The following TPRG1 variants were observed in gnomAD, a reference collection of about 807,000 sequenced individuals.
TPRG1 encodes tumor protein p63 regulated 1.
In TPRG1, 29 loss-of-function variants were observed where a neutral mutation model predicts 29.3. The ratio of observed to expected loss-of-function variants is 0.99; its 90% CI spans 0.74 to 1.35. The LOEUF (loss-of-function observed/expected upper bound fraction) is 1.35, where lower values mean the gene tolerates loss of function less well. Among genes scored for constraint, TPRG1 ranks in the 40% most tolerant of loss-of-function variants. The pLI is 0.00. For synonymous variants in TPRG1, 130 were observed against 116.8 expected, an observed-to-expected ratio of 1.11 and a Z score of -0.73; for missense variants, 327 against 335.0, an observed-to-expected ratio of 0.98 and a Z score of 0.19.
At chr3:189,289,232 G>T (rs1472828584) in intron 4 of TPRG1, among the ~76,000 whole-genome samples, 1 of 152,046 alleles carries the variant, frequency 6.6e-6, no homozygotes, top group Non-Finnish European at 1.5e-5. Flanking sequence ...TATTTATGAG[G>T]ATGGCCTCAT....
At chr3:189,283,651 G>A (rs908223220) in intron 4 of TPRG1, among the ~76,000 whole-genome samples, 8 of 152,202 alleles carry the variant, frequency 5.3e-5, no homozygotes, top group Non-Finnish European at 7.3e-5. Context: ...GGAACGATCA[G>A]CAGTGACTGG....
At chr3:189,025,812 T>TG (rs1190381231) in intron 4 of TPRG1, among the ~76,000 whole-genome samples, 1 of 152,170 alleles carries the variant, frequency 6.6e-6, no homozygotes, top group African/African-American at 2.4e-5. Flanking sequence ...ACAAATCAGT[T>TG]GACATATCTA....
At chr3:189,109,781 C>T (rs1720288700) in intron 1 of TPRG1, among the ~76,000 whole-genome samples, 1 of 152,128 alleles carries the variant, frequency 6.6e-6, no homozygotes, top group African/African-American at 2.4e-5. Context: ...CCACCACAAT[C>T]AACATGTAGA....
intron 3 of TPRG1, among the ~76,000 whole-genome samples, chr3:189,234,480 T>C (rs191557264): frequency 2.6e-5 from 4 of 152,338 alleles, no homozygotes; most frequent in African/African-American, 9.6e-5. Flanking sequence ...ATACCGCAGG[T>C]AACATTCTGT....
intron 5 of TPRG1, among the ~76,000 whole-genome samples, chr3:189,151,762 T>TC (rs1725968415): frequency 6.6e-6 from 1 of 151,994 alleles, no homozygotes; most frequent in South Asian, 2.1e-4. Context: ...GCCCCTGTAG[T>TC]CCCAGCTATT....
At chr3:189,154,178 G>A (rs1413779282) in intron 5 of TPRG1, among the ~76,000 whole-genome samples, 3 of 152,196 alleles carry the variant, frequency 2.0e-5, no homozygotes, top group African/African-American at 7.2e-5. Flanking sequence ...TCAGCAATTG[G>A]AAAAGGAGTT....
At chr3:189,000,489 C>T (rs962655399) in intron 1 of TPRG1, among the ~76,000 whole-genome samples, 4 of 152,048 alleles carry the variant, frequency 2.6e-5, no homozygotes, top group South Asian at 4.1e-4. Flanking sequence ...ATTTAAAATG[C>T]TTACCCTAAA....
chr3:189,245,917 T>C (rs1045548551), intron 4 of TPRG1, among the ~76,000 whole-genome samples: 1 of 152,176 alleles, frequency 6.6e-6, no homozygotes, highest in Non-Finnish European at 1.5e-5. Context: ...AAGTATTCTT[T>C]ATTTCTGGCA....
At chr3:189,144,600 T>A (rs968915981) in intron 3 of TPRG1, among the ~76,000 whole-genome samples, 1 of 152,220 alleles carries the variant, frequency 6.6e-6, no homozygotes, top group Admixed American at 6.5e-5. Context: ...ACTTGCATCT[T>A]ATCACAGGAC....
At chr3:189,215,786 A>G (rs543183128) in intron 3 of TPRG1, among the ~76,000 whole-genome samples, 2 of 152,334 alleles carry the variant, frequency 1.3e-5, no homozygotes, top group South Asian at 4.1e-4. Context: ...TATAGATAAA[A>G]TCAACATATA....
intron 3 of TPRG1, among the ~76,000 whole-genome samples, chr3:189,005,185 C>A (rs710505): frequency 0.98 from 149,741 of 152,202 alleles, 73,712 homozygotes; most frequent in East Asian, 1. Flanking sequence ...GCATATTTTA[C>A]AGTCTAATTT....
intron 3 of TPRG1, among the ~76,000 whole-genome samples, chr3:189,011,129 G>C (rs1469513584): frequency 6.6e-6 from 1 of 152,130 alleles, no homozygotes; most frequent in Non-Finnish European, 1.5e-5. Context: ...CTATATGTCT[G>C]TTGTTGTCCA....
intron 4 of TPRG1, among the ~76,000 whole-genome samples, chr3:189,252,780 T>C (rs900768766): frequency 1.3e-5 from 2 of 152,210 alleles, no homozygotes; most frequent in African/African-American, 4.8e-5. Flanking sequence ...TTGACAGTGC[T>C]TTCTAATTTT....
intron 1 of TPRG1, among the ~76,000 whole-genome samples, chr3:189,116,871 G>C (rs1721239474): frequency 6.6e-6 from 1 of 152,130 alleles, no homozygotes; most frequent in Admixed American, 6.5e-5. Flanking sequence ...AGAACAGTGT[G>C]AATGTACTTA....
At chr3:189,133,653 G>A (rs370224266) in intron 3 of TPRG1, among the ~76,000 whole-genome samples, 7 of 152,302 alleles carry the variant, frequency 4.6e-5, no homozygotes, top group African/African-American at 1.2e-4. Flanking sequence ...GGAACTGTGA[G>A]TCAATTAAGC....
intron 4 of TPRG1, among the ~76,000 whole-genome samples, chr3:189,294,164 T>C (rs1719486009): frequency 6.6e-6 from 1 of 152,204 alleles, no homozygotes; most frequent in Admixed American, 6.5e-5. Flanking sequence ...CAGATGGTTA[T>C]GCCCATAGGA....
chr3:189,250,762 A>C (rs914587150), intron 4 of TPRG1, among the ~76,000 whole-genome samples: 2 of 151,350 alleles, frequency 1.3e-5, no homozygotes, highest in African/African-American at 4.9e-5. Context: ...AAAAAAAAAA[A>C]AAAAAGCAAT....
At chr3:189,060,220 G>A (rs936404458) in intron 4 of TPRG1, among the ~76,000 whole-genome samples, 3 of 152,070 alleles carry the variant, frequency 2.0e-5, no homozygotes, top group African/African-American at 4.8e-5. Flanking sequence ...CAACAAGAGC[G>A]AAAATCCGTC....
chr3:189,269,089 AG>A (rs1714633664), intron 4 of TPRG1, among the ~76,000 whole-genome samples: 1 of 151,724 alleles, frequency 6.6e-6, no homozygotes, highest in African/African-American at 2.4e-5. Context: ...TAACATCCTG[AG>A]GTTTTTTTTT....
Sources: gnomAD v4.1 joint callset for allele counts (sites outside exome capture counted in the v4.1 genomes callset) on GRCh38, gnomAD v4.1.1 for gene constraint, MANE v1.5 for transcripts, NCBI Gene and HGNC (gene_info 2026-07-23, HGNC 2026-07-21) for gene names.